The following ASTN1 variants were observed in gnomAD, a reference collection of about 807,000 sequenced individuals.
ASTN1 encodes astrotactin-1.
ASTN1 carries 41 observed loss-of-function variants against 140.7 expected under a neutral mutation model. That is an observed-to-expected ratio of 0.29 (90% CI 0.23 to 0.38). ASTN1 has a LOEUF of 0.38. Among genes scored for constraint, ASTN1 ranks in the 10% least tolerant of loss-of-function variants. The pLI is 1.00. For missense variants in ASTN1, 1,479 were observed against 1,678.8 expected, an observed-to-expected ratio of 0.88 and a Z score of 2.08; for synonymous variants, 640 against 652.2, an observed-to-expected ratio of 0.98 and a Z score of 0.29.
chr1:177,161,228 C>T (rs1359599054), intron 1 of ASTN1, among the ~76,000 whole-genome samples: 1 of 152,184 alleles, frequency 6.6e-6, no homozygotes, highest in African/African-American at 2.4e-5. Context: ...GAGCCACATG[C>T]CACTCTACAG....
intron 1 of ASTN1, among the ~76,000 whole-genome samples, chr1:177,128,984 C>A (rs909902606): frequency 2.0e-5 from 3 of 152,094 alleles, no homozygotes; most frequent in Non-Finnish European, 2.9e-5. Context: ...GTCAAAGGTG[C>A]CAACGAGCTC....
intron 9 of ASTN1, among the ~76,000 whole-genome samples, chr1:176,963,307 A>C (rs1672744097): frequency 2.6e-5 from 4 of 152,224 alleles, no homozygotes. Flanking sequence ...AGCCAATTAC[A>C]GTCATTGACC....
chr1:177,054,101 C>G (rs974664337), intron 2 of ASTN1, among the ~76,000 whole-genome samples: 1 of 152,136 alleles, frequency 6.6e-6, no homozygotes, highest in Admixed American at 6.5e-5. Context: ...GAGTGCTTCT[C>G]AAAGTATAGT....
intron 1 of ASTN1, among the ~76,000 whole-genome samples, chr1:177,080,629 C>A (rs2102074903): frequency 6.6e-6 from 1 of 152,260 alleles, no homozygotes; most frequent in East Asian, 1.9e-4. Flanking sequence ...GTTCATAGCT[C>A]CTGCCTCTTC....
intron 1 of ASTN1, among the ~76,000 whole-genome samples, chr1:177,075,689 C>T (rs1678868473): frequency 1.4e-5 from 2 of 140,514 alleles, no homozygotes; most frequent in South Asian, 4.5e-4. Flanking sequence ...CTCTGTTGCC[C>T]AGGCTGGAGT....
intron 16 of ASTN1, among the ~76,000 whole-genome samples, chr1:176,924,297 G>A (rs1428077031): frequency 2.6e-5 from 4 of 152,080 alleles, no homozygotes; most frequent in Admixed American, 1.3e-4. Context: ...CAATTGTCAG[G>A]GTTTTGTGTT....
intron 17 of ASTN1, among the ~76,000 whole-genome samples, chr1:176,891,751 C>T (rs192934887): frequency 7.9e-5 from 12 of 152,218 alleles, no homozygotes; most frequent in African/African-American, 2.2e-4. Context: ...CAAGAACATG[C>T]CATTGCACTC....
intron 1 of ASTN1, among the ~76,000 whole-genome samples, chr1:177,153,014 G>T (rs1683104413): frequency 6.6e-6 from 1 of 152,140 alleles, no homozygotes; most frequent in South Asian, 2.1e-4. Flanking sequence ...TCAACCATCT[G>T]AGTAACCATG....
At chr1:177,022,862 GAA>G (rs781508835) in intron 7 of ASTN1, among the ~76,000 whole-genome samples, 43 of 152,260 alleles carry the variant, frequency 2.8e-4, no homozygotes, top group Non-Finnish European at 5.6e-4. Flanking sequence ...AATGATTCTG[GAA>G]AAGTTATGAT....
Position 177,031,275 on chromosome 1 carries a change from T to C in ASTN1, c.866-323A>G, listed in dbSNP as rs116542000. On this transcript the variant is annotated intron_variant, in intron 3 of 22. Transcript: ENST00000361833. ...TAAATACAGACTGCAGATTTCTTTA[T>C]TTTTGGTCAGCACAGAGTTTTAAAA... 4.5e-3 allele frequency among the ~76,000 whole-genome samples: 693 copies of C among 152,308 alleles called. 2 individuals carry two copies. Among genetic ancestry groups the C allele is most frequent in the African/African-American group, 0.016 (660 of 41,558 alleles).
chr1:177,017,392 T>C (rs1276532163), intron 7 of ASTN1, among the ~76,000 whole-genome samples: 1 of 152,190 alleles, frequency 6.6e-6, no homozygotes, highest in Non-Finnish European at 1.5e-5. Flanking sequence ...TCTGTATTCC[T>C]CCACAAAACC....
At chr1:176,978,469 G>A (rs971853348) in intron 8 of ASTN1, among the ~76,000 whole-genome samples, 2 of 152,126 alleles carry the variant, frequency 1.3e-5, no homozygotes, top group Non-Finnish European at 2.9e-5. Context: ...GAAGAGAAGG[G>A]CAATTCTTAG....
At chr1:177,024,802 T>G (rs1001368288) in intron 5 of ASTN1, 70 bp from the exon 6 acceptor site, 29 of 1,534,814 alleles carry the variant, frequency 1.9e-5, no homozygotes, top group Non-Finnish European at 2.5e-5. Context: ...CTTGGCTTTT[T>G]GCCAATCATC....
chr1:176,883,852 C>T (rs1264344012), intron 19 of ASTN1, among the ~76,000 whole-genome samples: 1 of 133,082 alleles, frequency 7.5e-6, no homozygotes, highest in Non-Finnish European at 1.7e-5. Flanking sequence ...TTCCCTCTTA[C>T]TAGCTGGACC....
chr1:177,158,398 T>G (rs746049795), intron 1 of ASTN1, among the ~76,000 whole-genome samples: 10 of 152,210 alleles, frequency 6.6e-5, no homozygotes, highest in Admixed American at 2.6e-4. Context: ...AATAAAATGA[T>G]GATAGGTGTC....
At chr1:176,962,573 T>A (rs1052913746) in intron 9 of ASTN1, among the ~76,000 whole-genome samples, 13 of 152,160 alleles carry the variant, frequency 8.5e-5, no homozygotes, top group African/African-American at 3.1e-4. Flanking sequence ...TTAAACAAAA[T>A]AATTGACAAA....
chr1:177,080,686 C>T (rs1192938932), intron 1 of ASTN1, among the ~76,000 whole-genome samples: 8 of 152,274 alleles, frequency 5.3e-5, no homozygotes, highest in African/African-American at 1.7e-4. Context: ...TTTAGTGAAA[C>T]TTCTTGAGAT....
At chr1:177,104,233 G>A (rs1329566082) in intron 1 of ASTN1, among the ~76,000 whole-genome samples, 1 of 152,080 alleles carries the variant, frequency 6.6e-6, no homozygotes, top group Non-Finnish European at 1.5e-5. Flanking sequence ...CAGCCCCCTT[G>A]AAAGCTTTCA....
At chr1:177,024,356 G>C (rs1355569832) in intron 6 of ASTN1, among the ~76,000 whole-genome samples, 1 of 152,132 alleles carries the variant, frequency 6.6e-6, no homozygotes, top group Non-Finnish European at 1.5e-5. Context: ...ACAAAAATGG[G>C]AGATGGCATA....
Sources: gnomAD v4.1 joint callset for allele counts (sites outside exome capture counted in the v4.1 genomes callset) on GRCh38, gnomAD v4.1.1 for gene constraint, MANE v1.5 for transcripts, NCBI Gene and HGNC (gene_info 2026-07-23, HGNC 2026-07-21) for gene names.